LINGO2: variants seen among roughly 807,000 people sequenced by gnomAD.
LINGO2 encodes the protein leucine-rich repeat and immunoglobulin-like domain-containing nogo receptor-interacting protein 2.
Under a neutral mutation model 30.6 loss-of-function variants are expected in LINGO2, and 14 were observed. The ratio of observed to expected loss-of-function variants is 0.46; its 90% CI spans 0.30 to 0.72. The LOEUF (loss-of-function observed/expected upper bound fraction) is 0.72. Ranked by LOEUF, LINGO2 falls within the 30% of genes least tolerant of loss-of-function variation. LINGO2 has a pLI of 0.07. For synonymous variants in LINGO2, 317 were observed against 288.5 expected, an observed-to-expected ratio of 1.10 and a Z score of -1.00; for missense variants, 729 against 751.7, an observed-to-expected ratio of 0.97 and a Z score of 0.35.
At chr9:28,842,153 C>T in the LINGO2 span, among the ~76,000 whole-genome samples, 1 of 151,808 alleles carries the variant, frequency 6.6e-6, no homozygotes, top group African/African-American at 2.4e-5. Flanking sequence ...ATATTCGTTC[C>T]AACTCTACAT....
the LINGO2 span, among the ~76,000 whole-genome samples, chr9:28,822,249 A>G: frequency 6.6e-6 from 1 of 152,218 alleles, no homozygotes; most frequent in Non-Finnish European, 1.5e-5. Flanking sequence ...AGGCCGAATA[A>G]AAAGCAAACT....
At chr9:28,873,269 C>T in the LINGO2 span, among the ~76,000 whole-genome samples, 1 of 150,616 alleles carries the variant, frequency 6.6e-6, no homozygotes, top group Non-Finnish European at 1.5e-5. Context: ...ACTTGGGAGG[C>T]TGAGGGAGGA....
intron 4 of LINGO2, among the ~76,000 whole-genome samples, chr9:28,089,342 G>T (rs1331344156): frequency 6.6e-6 from 1 of 152,136 alleles, no homozygotes; most frequent in Non-Finnish European, 1.5e-5. Context: ...AAATGTAAAA[G>T]AATAGAAATT....
chr9:28,443,770 A>G (rs1040714825), intron 2 of LINGO2, among the ~76,000 whole-genome samples: 2 of 152,148 alleles, frequency 1.3e-5, no homozygotes, highest in African/African-American at 4.8e-5. Context: ...CTCAGCATGG[A>G]CAGCCTGAGC....
the LINGO2 span, among the ~76,000 whole-genome samples, chr9:28,996,741 C>A: frequency 6.6e-6 from 1 of 152,132 alleles, no homozygotes; most frequent in Non-Finnish European, 1.5e-5. Flanking sequence ...ACCATGTTTT[C>A]TTTTCATACA....
the LINGO2 span, among the ~76,000 whole-genome samples, chr9:29,125,803 T>C: frequency 6.6e-6 from 1 of 152,128 alleles, no homozygotes; most frequent in Non-Finnish European, 1.5e-5. Flanking sequence ...CATGAACATA[T>C]GGTTTGTTTT....
the LINGO2 span, among the ~76,000 whole-genome samples, chr9:28,965,500 C>T: frequency 5.3e-5 from 8 of 151,956 alleles, no homozygotes; most frequent in Non-Finnish European, 7.4e-5. Context: ...ATGTTTCCTT[C>T]GCATTGTAAG....
At chr9:28,122,837 T>A (rs1177463079) in intron 4 of LINGO2, among the ~76,000 whole-genome samples, 2 of 152,238 alleles carry the variant, frequency 1.3e-5, no homozygotes, top group Non-Finnish European at 2.9e-5. Context: ...AGTATTGTAA[T>A]TATTTACTGG....
chr9:28,962,186 G>A, the LINGO2 span, among the ~76,000 whole-genome samples: 1 of 152,086 alleles, frequency 6.6e-6, no homozygotes, highest in Admixed American at 6.6e-5. Flanking sequence ...ATTAGCCAAT[G>A]TTTACCAGGT....
chr9:28,622,979 G>T (rs933082500), intron 1 of LINGO2, among the ~76,000 whole-genome samples: 3 of 151,914 alleles, frequency 2.0e-5, no homozygotes, highest in African/African-American at 7.2e-5. Context: ...CTTGCCATTT[G>T]TATGTCTTAT....
At chr9:28,832,971 T>A in the LINGO2 span, among the ~76,000 whole-genome samples, 9 of 30,324 alleles carry the variant, frequency 3.0e-4, no homozygotes, top group Non-Finnish European at 8.5e-4. Context: ...TAGTACATTT[T>A]TTGATGTAAA....
chr9:28,370,788 T>C (rs1395298856), intron 3 of LINGO2, among the ~76,000 whole-genome samples: 2 of 152,236 alleles, frequency 1.3e-5, no homozygotes, highest in East Asian at 1.9e-4. Context: ...AACAATGTGA[T>C]TGTGGACCCT....
At chr9:28,057,689 G>A (rs1482697310) in intron 4 of LINGO2, among the ~76,000 whole-genome samples, 2 of 120,946 alleles carry the variant, frequency 1.7e-5, no homozygotes, top group Non-Finnish European at 3.8e-5. Context: ...ACTTTACAAG[G>A]TAACATGGTA....
At chr9:29,085,208 T>G in the LINGO2 span, among the ~76,000 whole-genome samples, 1 of 147,780 alleles carries the variant, frequency 6.8e-6, no homozygotes, top group Admixed American at 6.9e-5. Flanking sequence ...AAATTCCTCT[T>G]ATATTCTCTA....
At chr9:28,476,924 G>GGAAA (rs1200949594) in intron 1 of LINGO2, among the ~76,000 whole-genome samples, 10 of 152,116 alleles carry the variant, frequency 6.6e-5, no homozygotes, top group African/African-American at 2.2e-4. Flanking sequence ...AGTTGTAAAA[G>GGAAA]GAAATGAGAT....
the LINGO2 span, among the ~76,000 whole-genome samples, chr9:29,040,726 T>A: frequency 6.6e-6 from 1 of 152,044 alleles, no homozygotes; most frequent in Non-Finnish European, 1.5e-5. Context: ...ATTATTAGGA[T>A]GTTATTTCTA....
At chr9:28,473,548 A>G (rs1825612287) in intron 2 of LINGO2, among the ~76,000 whole-genome samples, 3 of 152,030 alleles carry the variant, frequency 2.0e-5, no homozygotes, top group Non-Finnish European at 4.4e-5. Context: ...GCATTACTGT[A>G]AGTTCTTCCT....
chr9:28,959,966 A>T, the LINGO2 span, among the ~76,000 whole-genome samples: 1 of 152,248 alleles, frequency 6.6e-6, no homozygotes, highest in South Asian at 2.1e-4. Context: ...TTTAATGCTA[A>T]ATTTTGTGTT....
chr9:29,158,349 C>A, the LINGO2 span, among the ~76,000 whole-genome samples: 1 of 152,138 alleles, frequency 6.6e-6, no homozygotes, highest in South Asian at 2.1e-4. Context: ...GAGCAAGACC[C>A]TGTCTCAAAA....
Sources: allele counts gnomAD v4.1 joint callset (sites outside exome capture counted in the v4.1 genomes callset), GRCh38; gene constraint gnomAD v4.1.1; transcripts MANE v1.5; gene names NCBI Gene and HGNC (gene_info 2026-07-23, HGNC 2026-07-21).